The following NKAIN3 variants were observed in gnomAD, a reference collection of about 807,000 sequenced individuals.
NKAIN3 encodes sodium/potassium transporting ATPase interacting 3.
In NKAIN3, 25 loss-of-function variants were observed where a neutral mutation model predicts 30.2. That is an observed-to-expected ratio of 0.83 (90% CI 0.60 to 1.16). The LOEUF (loss-of-function observed/expected upper bound fraction) is 1.16. NKAIN3 is among the 50% of genes most tolerant of loss of function. The pLI, the probability that NKAIN3 is intolerant of heterozygous loss-of-function variation, is 0.00. For missense variants in NKAIN3, 225 were observed against 254.1 expected (o/e 0.89, Z 0.78); for synonymous variants, 91 against 89.6 (o/e 1.02, Z -0.09).
At chr8:62,287,031 C>G (rs957684730) in intron 1 of NKAIN3, among the ~76,000 whole-genome samples, 1 of 150,898 alleles carries the variant, frequency 6.6e-6, no homozygotes, top group South Asian at 2.1e-4. Context: ...CTGGATTATT[C>G]CCTCATACTA....
intron 1 of NKAIN3, among the ~76,000 whole-genome samples, chr8:62,411,004 A>C (rs1387296672): frequency 6.6e-6 from 1 of 152,190 alleles, no homozygotes; most frequent in Admixed American, 6.5e-5. Flanking sequence ...ATATTCCAAA[A>C]AATGGAGGCA....
At chr8:62,662,431 A>G (rs555614489) in intron 3 of NKAIN3, among the ~76,000 whole-genome samples, 1 of 152,308 alleles carries the variant, frequency 6.6e-6, no homozygotes, top group East Asian at 1.9e-4. Context: ...CCAACCACCA[A>G]TAATCCATCC....
chr8:62,560,531 C>CTTTTTTTTTTT (rs869256384), intron 1 of NKAIN3, among the ~76,000 whole-genome samples: 19 of 45,362 alleles, frequency 4.2e-4, no homozygotes, highest in East Asian at 1.5e-3. Context: ...TTTTTCTTTT[C>CTTTTTTTTTTT]TTTTTTTTTT....
At chr8:62,250,591 A>T (rs1377598724) in intron 1 of NKAIN3, among the ~76,000 whole-genome samples, 1 of 152,252 alleles carries the variant, frequency 6.6e-6, no homozygotes, top group Non-Finnish European at 1.5e-5. Flanking sequence ...ATGTAAGATT[A>T]TAGATAGGCA....
chr8:62,660,184 G>T (rs946240416), intron 3 of NKAIN3, among the ~76,000 whole-genome samples: 2 of 152,110 alleles, frequency 1.3e-5, no homozygotes, highest in Non-Finnish European at 1.5e-5. Flanking sequence ...CATGAGACCT[G>T]GGCTTCAGGC....
intron 1 of NKAIN3, among the ~76,000 whole-genome samples, chr8:62,532,807 G>A (rs953396136): frequency 1.4e-4 from 21 of 152,138 alleles, no homozygotes; most frequent in African/African-American, 4.6e-4. Context: ...TTAAGTTTAC[G>A]CATGGATCGA....
chr8:62,555,051 CACACAT>C (rs1230088370), intron 1 of NKAIN3, among the ~76,000 whole-genome samples: 41 of 135,942 alleles, frequency 3.0e-4, no homozygotes, highest in East Asian at 2.0e-4. Context: ...CACACACACA[CACACAT>C]GCCTAGCTAT....
At chr8:62,653,711 G>T (rs930548056) in intron 3 of NKAIN3, among the ~76,000 whole-genome samples, 13 of 152,104 alleles carry the variant, frequency 8.5e-5, no homozygotes, top group Admixed American at 7.9e-4. Flanking sequence ...AAGAGACTTT[G>T]CACCAAGTCT....
chr8:62,467,897 C>T (rs1445912478), intron 1 of NKAIN3, among the ~76,000 whole-genome samples: 6 of 151,992 alleles, frequency 3.9e-5, no homozygotes, highest in African/African-American at 1.4e-4. Context: ...GCCTCTCAAG[C>T]AGCTGGGGAC....
chr8:62,838,150 T>C (rs1819425973), intron 4 of NKAIN3, among the ~76,000 whole-genome samples: 1 of 148,910 alleles, frequency 6.7e-6, no homozygotes, highest in African/African-American at 2.5e-5. Flanking sequence ...TGTGTGTGTG[T>C]GTATATAAAA....
At chr8:62,524,227 T>TAA (rs779752802) in intron 1 of NKAIN3, among the ~76,000 whole-genome samples, 1 of 148,924 alleles carries the variant, frequency 6.7e-6, no homozygotes. Context: ...CCCACCAAAA[T>TAA]ATATATATAT....
Position 62,978,156 on chromosome 8 carries a change from T to G in NKAIN3, c.*12749T>G, listed in dbSNP as rs962030751. 6.5e-5 allele frequency: 10 copies of G among 154,082 alleles called. No individual in the cohort carries two copies. Among genetic ancestry groups the G allele is most frequent in the African/African-American group, 2.4e-4 (10 of 41,618 alleles). The allele number at this position is 154,082 out of a possible 1,614,324, so 9.5% of individuals were successfully genotyped here. On this transcript the variant is annotated 3_prime_UTR_variant, in exon 7 of 7. Transcript: ENST00000623646. Reference sequence around the variant, plus strand: ...CCTGTATGAAGTGTCTGTCGACCCCTGTTGGGAGATGTCTCCCCATCAGGA... The same window carrying G: ...CCTGTATGAAGTGTCTGTCGACCCCGGTTGGGAGATGTCTCCCCATCAGGA...
intron 1 of NKAIN3, among the ~76,000 whole-genome samples, chr8:62,396,763 A>G (rs1817779804): frequency 6.6e-6 from 1 of 152,190 alleles, no homozygotes; most frequent in African/African-American, 2.4e-5. Flanking sequence ...TTCTTGTGTT[A>G]ATCACTATTA....
intron 1 of NKAIN3, among the ~76,000 whole-genome samples, chr8:62,264,045 A>G (rs751045688): frequency 2.6e-5 from 4 of 152,220 alleles, no homozygotes; most frequent in Admixed American, 6.5e-5. Context: ...TTGGTCAGAT[A>G]TATTTAAACA....
intron 1 of NKAIN3, among the ~76,000 whole-genome samples, chr8:62,453,392 GGGA>G (rs1427771305): frequency 6.6e-6 from 1 of 151,992 alleles, no homozygotes; most frequent in Non-Finnish European, 1.5e-5. Flanking sequence ...GTGTTGAGTG[GGGA>G]GTTTATACCA....
intron 1 of NKAIN3, among the ~76,000 whole-genome samples, chr8:62,505,521 T>C (rs377211329): frequency 2.2e-3 from 329 of 152,214 alleles, no homozygotes; most frequent in African/African-American, 7.6e-3. Context: ...AGAAGCATGG[T>C]TTTATATGAC....
At chr8:62,596,333 C>A (rs988641422) in intron 3 of NKAIN3, among the ~76,000 whole-genome samples, 1 of 151,974 alleles carries the variant, frequency 6.6e-6, no homozygotes, top group African/African-American at 2.4e-5. Flanking sequence ...TCCTGCCTTG[C>A]AGCTCTTTTG....
chr8:62,752,979 A>G (rs986298915), intron 4 of NKAIN3, among the ~76,000 whole-genome samples: 3 of 152,190 alleles, frequency 2.0e-5, no homozygotes, highest in African/African-American at 7.2e-5. Flanking sequence ...AATCTGCTCC[A>G]AGATTGTAAC....
intron 4 of NKAIN3, among the ~76,000 whole-genome samples, chr8:62,847,169 A>G (rs949878871): frequency 6.6e-6 from 1 of 152,130 alleles, no homozygotes; most frequent in African/African-American, 2.4e-5. Flanking sequence ...TATCTTTATA[A>G]CAGAATAATT....
Sources: allele counts gnomAD v4.1 joint callset (sites outside exome capture counted in the v4.1 genomes callset), GRCh38; gene constraint gnomAD v4.1.1; transcripts MANE v1.5; gene names NCBI Gene and HGNC (gene_info 2026-07-23, HGNC 2026-07-21).